The following LRRC4C variants were observed in gnomAD, a reference collection of about 807,000 sequenced individuals.
LRRC4C encodes leucine rich repeat containing 4C.
LRRC4C carries 5 observed loss-of-function variants against 33.6 expected under a neutral mutation model. The observed-to-expected ratio is 0.15, with a 90% CI of 0.08 to 0.31. LRRC4C has a LOEUF of 0.31. Ranked by LOEUF, LRRC4C falls within the 10% of genes least tolerant of loss-of-function variation. The pLI is 1.00. For missense variants in LRRC4C, 560 were observed against 796.7 expected (o/e 0.70, Z 3.58); for synonymous variants, 329 against 302.0 (o/e 1.09, Z -0.93).
intron 2 of LRRC4C, among the ~76,000 whole-genome samples, chr11:40,768,101 C>G (rs935255950): frequency 2.0e-5 from 3 of 151,564 alleles, no homozygotes; most frequent in Admixed American, 6.6e-5. Flanking sequence ...TAAAGAGGGA[C>G]GATCTAAATA....
intron 3 of LRRC4C, among the ~76,000 whole-genome samples, chr11:40,525,865 G>T (rs913400429): frequency 1.2e-4 from 18 of 152,100 alleles, no homozygotes; most frequent in African/African-American, 4.3e-4. Context: ...ACTAAGACAA[G>T]GTGGTATTGG....
intron 1 of LRRC4C, among the ~76,000 whole-genome samples, chr11:40,944,677 C>G (rs775951569): frequency 4.6e-5 from 7 of 152,066 alleles, no homozygotes; most frequent in Non-Finnish European, 8.8e-5. Flanking sequence ...TCCCAGTCCT[C>G]GAGATGATTC....
chr11:41,431,180 T>C (rs1955221111), intron 1 of LRRC4C, among the ~76,000 whole-genome samples: 1 of 152,122 alleles, frequency 6.6e-6, no homozygotes, highest in Admixed American at 6.6e-5. Context: ...ATTTACCTTT[T>C]AAAAACATTC....
chr11:41,160,650 G>C (rs1944428589), intron 1 of LRRC4C, among the ~76,000 whole-genome samples: 1 of 152,104 alleles, frequency 6.6e-6, no homozygotes, highest in Non-Finnish European at 1.5e-5. Flanking sequence ...TAACATTCTT[G>C]AGTATGGTGC....
At chr11:40,501,959 T>C (rs144037070) in intron 3 of LRRC4C, among the ~76,000 whole-genome samples, 2,714 of 152,300 alleles carry the variant, frequency 0.018, 45 homozygotes, top group South Asian at 0.034. Context: ...AACACCCAAG[T>C]CACCTCTTGA....
intron 3 of LRRC4C, among the ~76,000 whole-genome samples, chr11:40,478,747 C>T (rs1953384136): frequency 6.6e-6 from 1 of 152,128 alleles, no homozygotes; most frequent in Non-Finnish European, 1.5e-5. Context: ...CCAAAATAGG[C>T]TTCCCTGAAT....
intron 4 of LRRC4C, among the ~76,000 whole-genome samples, chr11:40,278,808 T>C (rs990287207): frequency 6.6e-6 from 1 of 152,154 alleles, no homozygotes; most frequent in Admixed American, 6.6e-5. Flanking sequence ...GGGTTTTGTC[T>C]CCAGCACATA....
At chr11:41,445,486 G>A (rs1955792550) in intron 1 of LRRC4C, among the ~76,000 whole-genome samples, 1 of 152,100 alleles carries the variant, frequency 6.6e-6, no homozygotes, top group African/African-American at 2.4e-5. Context: ...GACAAAAGGA[G>A]TAAATGGAAG....
intron 4 of LRRC4C, among the ~76,000 whole-genome samples, chr11:40,251,724 T>C (rs10837372): frequency 0.8 from 121,033 of 152,136 alleles, 51,021 homozygotes; most frequent in East Asian, 0.96. Flanking sequence ...ACCTTGGCTC[T>C]AATAAGTTAC....
intron 5 of LRRC4C, among the ~76,000 whole-genome samples, chr11:40,154,715 A>G (rs2135276379): frequency 6.6e-6 from 1 of 152,286 alleles, no homozygotes; most frequent in East Asian, 1.9e-4. Flanking sequence ...ACAATTATGA[A>G]TAAACCTAAG....
At chr11:40,467,831 A>AT (rs1370889132) in intron 3 of LRRC4C, among the ~76,000 whole-genome samples, 1 of 152,216 alleles carries the variant, frequency 6.6e-6, no homozygotes, top group African/African-American at 2.4e-5. Context: ...CTATATTGCA[A>AT]TACAGATAGA....
chr11:40,196,147 A>G (rs1862243573), intron 5 of LRRC4C, among the ~76,000 whole-genome samples: 1 of 152,206 alleles, frequency 6.6e-6, no homozygotes, highest in Admixed American at 6.5e-5. Context: ...CTTCTCGTGG[A>G]TAAGGATTGA....
At chr11:40,683,126 T>C (rs1478261273) in intron 2 of LRRC4C, among the ~76,000 whole-genome samples, 1 of 152,222 alleles carries the variant, frequency 6.6e-6, no homozygotes, top group Non-Finnish European at 1.5e-5. Flanking sequence ...CACATTTTTT[T>C]GTCTCATGCT....
chr11:40,155,679 C>A (rs1858628275), intron 5 of LRRC4C, among the ~76,000 whole-genome samples: 1 of 151,992 alleles, frequency 6.6e-6, no homozygotes, highest in Non-Finnish European at 1.5e-5. Context: ...CCTGAACAGA[C>A]CAATAACAAG....
intron 1 of LRRC4C, among the ~76,000 whole-genome samples, chr11:41,408,310 G>A (rs561262127): frequency 1.3e-5 from 2 of 152,182 alleles, no homozygotes; most frequent in Admixed American, 6.5e-5. Flanking sequence ...ACAAACTAAC[G>A]AATATTAATT....
Position 40,851,040 on chromosome 11 carries a change from C to T in LRRC4C, c.-407+82595G>A, listed in dbSNP as rs532583530. Among the ~76,000 whole-genome samples, 10 of 152,304 alleles carry T rather than the reference C, an allele frequency of 6.6e-5. No homozygotes were observed. The East Asian group carries it at 1.9e-3, about 30-fold the overall frequency. ...CTGTGCTGGCAGTGAGAATTTCAAG[C>T]CAGTGGATCTTAGCTTGCTGAGCTC... On this transcript the variant is annotated intron_variant, in intron 2 of 6. Coordinates refer to ENST00000528697, the MANE Select transcript of LRRC4C (RefSeq NM_001258419.2).
chr11:40,604,968 A>G (rs1403979923), intron 3 of LRRC4C, among the ~76,000 whole-genome samples: 4 of 152,130 alleles, frequency 2.6e-5, no homozygotes, highest in African/African-American at 7.2e-5. Context: ...CAGGGAGGAT[A>G]TTTACTCATA....
chr11:41,261,017 GCC>G, intron 1 of LRRC4C, among the ~76,000 whole-genome samples: 1 of 151,890 alleles, frequency 6.6e-6, no homozygotes, highest in Non-Finnish European at 1.5e-5. Flanking sequence ...TTATTATTTT[GCC>G]AGCATAAATG....
At chr11:40,973,292 CT>C (rs1851858943) in intron 1 of LRRC4C, among the ~76,000 whole-genome samples, 1 of 151,972 alleles carries the variant, frequency 6.6e-6, no homozygotes, top group Non-Finnish European at 1.5e-5. Flanking sequence ...AGCTAGTCCA[CT>C]TTAGCTGCAG....
Sources: allele counts gnomAD v4.1 joint callset (sites outside exome capture counted in the v4.1 genomes callset), GRCh38; gene constraint gnomAD v4.1.1; transcripts MANE v1.5; gene names NCBI Gene and HGNC (gene_info 2026-07-23, HGNC 2026-07-21).